Variants in SLC25A4 observed in about 807,000 individuals in gnomAD.
SLC25A4 encodes the protein ADP/ATP translocase 1.
A neutral mutation model predicts 24.7 loss-of-function variants in SLC25A4; 10 were observed. That is an observed-to-expected ratio of 0.41 (90% CI 0.25 to 0.69). The LOEUF is 0.69. SLC25A4 is among the 30% of genes least tolerant of loss of function. The pLI, the probability that SLC25A4 is intolerant of heterozygous loss-of-function variation, is 0.35. For missense variants in SLC25A4, 273 were observed against 387.6 expected, an observed-to-expected ratio of 0.70 and a Z score of 2.48; for synonymous variants, 125 against 153.3, an observed-to-expected ratio of 0.82 and a Z score of 1.36.
Position 185,145,434 on chromosome 4 carries a change from T to C in SLC25A4, c.598+184T>C. 1 of 881,538 alleles carries C rather than the reference T, an allele frequency of 1.1e-6. No individual in the cohort carries two copies. Among genetic ancestry groups the C allele is most frequent in the Non-Finnish European group, 1.7e-6 (1 of 583,438 alleles). The allele number at this position is 881,538 out of a possible 1,614,324, so 54.6% of individuals were successfully genotyped here. On this transcript the variant is annotated intron_variant, in intron 2 of 3. Transcript: ENST00000281456. This position sits in a 1 kb window ranked among gnomAD's most constrained non-coding sequence, Gnocchi z 5.5. ...CTGAAGCGTTCCTTGTGTCCTCTAC[T>C]GAAATAAACTCTGGCCTTTAGTTAT...
Position 185,147,143 on chromosome 4 carries a change from C to T in SLC25A4, c.*172C>T. ...TTCATTGAGTGTTCATTAAACCACA[C>T]ATGTATTTTGTATTTATTTTACATT... On this transcript the variant is annotated 3_prime_UTR_variant, in exon 4 of 4. Coordinates refer to ENST00000281456, the MANE Select transcript of SLC25A4 (RefSeq NM_001151.4). 1.7e-6 allele frequency: 1 copy of T among 587,854 alleles called. No individual in the cohort carries two copies. The highest frequency in any genetic ancestry group is 4.5e-4 in the Middle Eastern group (1 of 2,210). The allele number at this position is 587,854 out of a possible 1,614,324, so 36.4% of individuals were successfully genotyped here.
intron 1 of SLC25A4, among the ~76,000 whole-genome samples, chr4:185,144,008 AT>A (rs1316739211): frequency 6.6e-6 from 1 of 152,216 alleles, no homozygotes; most frequent in African/African-American, 2.4e-5. Flanking sequence ...GTTTTGAAAT[AT>A]TAAGAAACAA....
Position 185,145,492 on chromosome 4 carries a change from C to G in SLC25A4, c.598+242C>G. Reference sequence around the variant, plus strand: ...GGAGGAGGGGGGAGCCTGTCTCCCTCTAGACACAGCCATAGCAGTTACTGA... The same window carrying G: ...GGAGGAGGGGGGAGCCTGTCTCCCTGTAGACACAGCCATAGCAGTTACTGA... On this transcript the variant is annotated intron_variant, in intron 2 of 3. Coordinates refer to ENST00000281456, the MANE Select transcript of SLC25A4 (RefSeq NM_001151.4). The surrounding 1 kb of genome is among the most constrained non-coding windows in gnomAD (Gnocchi z 5.5). 1.5e-6 allele frequency: 1 copy of G among 679,140 alleles called. No homozygotes were observed. 42.1% of individuals were successfully genotyped at this position (679,140 alleles called of 1,614,324 possible).
rs573359910 is a variant in SLC25A4, at chr4:185,148,292, A to C, written c.*1321A>C. ...TTACCTCCCAAATGCCCCTCCTCCA[A>C]ACACCACCACTTTGGGGGTTAAGAT... On this transcript the variant is annotated 3_prime_UTR_variant, in exon 4 of 4. Transcript: ENST00000281456. 4 of 152,258 alleles carry C rather than the reference A, an allele frequency of 2.6e-5. No homozygotes were observed. Among genetic ancestry groups the C allele is most frequent in the African/African-American group, 9.6e-5 (4 of 41,548 alleles). 9.4% of individuals were successfully genotyped at this position (152,258 alleles called of 1,614,324 possible).
In SLC25A4 at chr4:185,143,290, G is replaced by C. The variant is rs564798562; in HGVS notation, c.-83G>C. On this transcript the variant is annotated 5_prime_UTR_variant, in exon 1 of 4. Transcript: ENST00000281456. ...CGGCCCCCTAGCGTCGCGCAGGGTC[G>C]GGGACTGCGCGGCGGTGCCAGGCCG... The C allele has an allele frequency of 2.9e-5, 22 of 759,112 alleles. No homozygotes were observed. The highest frequency in any genetic ancestry group is 4.6e-5 in the Non-Finnish European group (21 of 456,134). 47.0% of individuals were successfully genotyped at this position (759,112 alleles called of 1,614,324 possible).
intron 1 of SLC25A4, 79 bp from the exon 2 acceptor site, chr4:185,144,685 C>A: frequency 2.8e-6 from 4 of 1,433,390 alleles, no homozygotes; most frequent in Non-Finnish European, 3.8e-6. Context: ...CTAGGAAGTG[C>A]AAACCTTTTT....
Position 185,145,142 on chromosome 4 carries a change from A to C in SLC25A4, c.490A>C (p.Ile164Leu). The change falls in exon 2 of 4, where the codon ATC becomes CTC. Residue 164 changes from isoleucine to leucine, a missense_variant. Coordinates refer to ENST00000281456, the MANE Select transcript of SLC25A4 (RefSeq NM_001151.4). This position sits in a 1 kb window ranked among gnomAD's most constrained non-coding sequence, Gnocchi z 5.5. ...FHGLGDCIIK[I>L]FKSDGLRGLY... is the part of the protein sequence containing the mutation. ...TGGTCTGGGCGACTGTATCATCAAG[A>C]TCTTCAAGTCTGATGGCCTGAGGGG... 1.2e-6 allele frequency: 2 copies of C among 1,612,952 alleles called. No individual in the cohort carries two copies. The highest frequency in any genetic ancestry group is 1.7e-6 in the Non-Finnish European group (2 of 1,179,216).
chr4:185,145,712 G>A lies in SLC25A4; in HGVS notation c.599-47G>A, dbSNP rs1321650262. 1 of 1,611,428 alleles carries A rather than the reference G, an allele frequency of 6.2e-7. No individual in the cohort carries two copies. Among genetic ancestry groups the A allele is most frequent in the South Asian group, 1.1e-5 (1 of 90,964 alleles). ...TCTCTCCCTCCACCTGCTTTCTGCT[G>A]AGAACAGGCACTTCATAGCCGTTCG... On this transcript the variant is annotated intron_variant, in intron 2 of 3. Coordinates refer to ENST00000281456, the MANE Select transcript of SLC25A4 (RefSeq NM_001151.4). This position sits in a 1 kb window ranked among gnomAD's most constrained non-coding sequence, Gnocchi z 5.5.
rs1734495858 is a variant in SLC25A4 at position 185,149,262 on chromosome 4, G to A, written c.*2291G>A. Reference sequence around the variant, plus strand: ...ATCTCCAAGCAGGGCCCAAGTTTAGGAGGAGGAAGACCTGATACAATGAAT... The same window carrying A: ...ATCTCCAAGCAGGGCCCAAGTTTAGAAGGAGGAAGACCTGATACAATGAAT... On this transcript the variant is annotated 3_prime_UTR_variant, in exon 4 of 4. Coordinates refer to ENST00000281456, the MANE Select transcript of SLC25A4 (RefSeq NM_001151.4). The A allele has an allele frequency of 6.6e-6, 1 of 152,242 alleles. No homozygotes were observed. The allele number at this position is 152,242 out of a possible 1,614,324, so 9.4% of individuals were successfully genotyped here. A position where few individuals can be genotyped will look rare whatever the true frequency, so the allele number is the denominator to read the frequency against.
Position 185,147,271 on chromosome 4 carries a change from AC to A in SLC25A4, c.*301del. The A allele has an allele frequency of 3.2e-6, 1 of 313,984 alleles. No homozygotes were observed. Among genetic ancestry groups the A allele is most frequent in the Non-Finnish European group, 5.9e-6 (1 of 168,272 alleles). The allele number at this position is 313,984 out of a possible 1,614,324, so 19.4% of individuals were successfully genotyped here. A position where few individuals can be genotyped will look rare whatever the true frequency, so the allele number is the denominator to read the frequency against. On this transcript the variant is annotated 3_prime_UTR_variant, in exon 4 of 4. Coordinates refer to ENST00000281456, the MANE Select transcript of SLC25A4 (RefSeq NM_001151.4). ...AACATCAATAAAGACCACTTAATGC[AC>A]GCTTTCTATTTTATTGAACTCTTAT... is the stretch of plus-strand genomic sequence containing the variant.
Position 185,146,993 on chromosome 4 carries a change from C to G in SLC25A4, c.*22C>G. 6.2e-7 allele frequency: 1 copy of G among 1,604,112 alleles called. No homozygotes were observed. The highest frequency in any genetic ancestry group is 8.5e-7 in the Non-Finnish European group (1 of 1,171,758). On this transcript the variant is annotated 3_prime_UTR_variant, in exon 4 of 4. Transcript: ENST00000281456. ...CTAATGTAATTAAAACACAAGTTCA[C>G]AGATTTACAGTGAACTTGATCTACA...
rs1484768425 is a variant in SLC25A4 at position 185,149,227 on chromosome 4, G to A, written c.*2256G>A. 1 of 152,204 alleles carries A rather than the reference G, an allele frequency of 6.6e-6. No homozygotes were observed. Among genetic ancestry groups the A allele is most frequent in the African/African-American group, 2.4e-5 (1 of 41,412 alleles). The allele number at this position is 152,204 out of a possible 1,614,324, so 9.4% of individuals were successfully genotyped here. A position where few individuals can be genotyped will look rare whatever the true frequency, so the allele number is the denominator to read the frequency against. Reference sequence around the variant, plus strand: ...CAGGCTAGTAGTGGGCAAGTGCTTTGATGGAGCGTATCTCCAAGCAGGGCC... The same window carrying A: ...CAGGCTAGTAGTGGGCAAGTGCTTTAATGGAGCGTATCTCCAAGCAGGGCC... On this transcript the variant is annotated 3_prime_UTR_variant, in exon 4 of 4. Coordinates refer to ENST00000281456, the MANE Select transcript of SLC25A4 (RefSeq NM_001151.4).
intron 1 of SLC25A4, among the ~76,000 whole-genome samples, chr4:185,144,487 T>G (rs749925542): frequency 1.4e-4 from 21 of 152,144 alleles, no homozygotes; most frequent in Non-Finnish European, 2.5e-4. Context: ...TGGCTATAGC[T>G]TTATATAATT....
chr4:185,146,678 G>A (rs1388753753), intron 3 of SLC25A4, 136 bp from the exon 4 acceptor site: 16 of 915,192 alleles, frequency 1.7e-5, no homozygotes, highest in Non-Finnish European at 2.5e-5. Context: ...CCAGTGGGAT[G>A]TTGCATGGAG....
chr4:185,145,461 C>G lies in SLC25A4; in HGVS notation c.598+211C>G. 1.3e-6 allele frequency: 1 copy of G among 771,102 alleles called. No individual in the cohort carries two copies. Among genetic ancestry groups the G allele is most frequent in the Non-Finnish European group, 2.0e-6 (1 of 489,450 alleles). 47.8% of individuals were successfully genotyped at this position (771,102 alleles called of 1,614,324 possible). On this transcript the variant is annotated intron_variant, in intron 2 of 3. Transcript: ENST00000281456. This position sits in a 1 kb window ranked among gnomAD's most constrained non-coding sequence, Gnocchi z 5.5. ...AAATAAACTCTGGCCTTTAGTTATTCAGAGAGGAGGAGGGGGGAGCCTGTC... is the reference window on the plus strand; with the variant it reads ...AAATAAACTCTGGCCTTTAGTTATTGAGAGAGGAGGAGGGGGGAGCCTGTC...
chr4:185,143,443 CCG>C lies in SLC25A4; in HGVS notation c.74_75del (p.Ala25GlyfsTer23). On this transcript the variant is annotated frameshift_variant, in exon 1 of 4. Coordinates refer to ENST00000281456, the MANE Select transcript of SLC25A4 (RefSeq NM_001151.4). LOFTEE classifies it high-confidence loss of function. ...GGCGTCGCCGCTGCCGTCTCCAAGA[CCG>C]CGGTCGCCCCCATCGAGAGGGTCAA... 6.6e-7 allele frequency: 1 copy of C among 1,511,282 alleles called. No individual in the cohort carries two copies. Among genetic ancestry groups the C allele is most frequent in the Non-Finnish European group, 8.9e-7 (1 of 1,126,402 alleles). The allele number at this position is 1,511,282 out of a possible 1,614,324, so 93.6% of individuals were successfully genotyped here.
intron 3 of SLC25A4, among the ~76,000 whole-genome samples, chr4:185,146,345 G>A (rs919461050): frequency 2.6e-5 from 4 of 152,144 alleles, no homozygotes; most frequent in African/African-American, 7.2e-5. Context: ...GCTTCTATAG[G>A]TTGAACCATA....
chr4:185,144,465 G>A (rs775867308), intron 1 of SLC25A4, among the ~76,000 whole-genome samples: 10 of 152,092 alleles, frequency 6.6e-5, no homozygotes, highest in Admixed American at 1.3e-4. Flanking sequence ...TAGGGAAAGT[G>A]AAATAAATAA....
At position 185,146,864 on chromosome 4, in the gene SLC25A4, G is replaced by T; in HGVS notation, c.790G>T (p.Asp264Tyr). ...TVDCWRKIAK[D>Y]EGAKAFFKGA... ...TGACTGCTGGAGGAAGATTGCAAAA[G>T]ACGAAGGAGCCAAGGCCTTCTTCAA... The change falls in exon 4 of 4, where the codon GAC (aspartate) becomes TAC (tyrosine). Residue 264 changes from aspartate to tyrosine, a missense_variant. By Grantham distance (160) the Asp-to-Tyr change is radical. Transcript: ENST00000281456. 5 of 1,614,236 alleles carry T rather than the reference G, an allele frequency of 3.1e-6. No individual in the cohort carries two copies. The South Asian group carries it at 5.5e-5, about 18-fold the overall frequency.
Sources: allele counts gnomAD v4.1 joint callset (sites outside exome capture counted in the v4.1 genomes callset), GRCh38; gene constraint gnomAD v4.1.1; non-coding constraint Gnocchi (gnomAD v3.1); transcripts MANE v1.5; gene names NCBI Gene and HGNC (gene_info 2026-07-23, HGNC 2026-07-21).